Variants in PPP1R21 observed in about 807,000 individuals in gnomAD.
PPP1R21 encodes the protein protein phosphatase 1 regulatory subunit 21.
A neutral mutation model predicts 112.8 loss-of-function variants in PPP1R21; 85 were observed. The observed-to-expected ratio is 0.75, with a 90% confidence interval of 0.63 to 0.90. PPP1R21 has a LOEUF of 0.90. Among genes scored for constraint, PPP1R21 ranks in the 40% least tolerant of loss-of-function variants. The pLI is 0.00. For synonymous variants in PPP1R21, 381 were observed against 322.3 expected, an observed-to-expected ratio of 1.18 and a Z score of -1.95; for missense variants, 1,199 against 901.5, an observed-to-expected ratio of 1.33 and a Z score of -4.23.
At chr2:48,462,472 C>G (rs1200324635) in intron 7 of PPP1R21, among the ~76,000 whole-genome samples, 1 of 152,132 alleles carries the variant, frequency 6.6e-6, no homozygotes, top group Non-Finnish European at 1.5e-5. Context: ...AAAAAGGGTG[C>G]TTTGAGCTGG....
chr2:48,500,711 G>C (rs1036562062), intron 17 of PPP1R21, among the ~76,000 whole-genome samples: 1 of 152,112 alleles, frequency 6.6e-6, no homozygotes, highest in Admixed American at 6.5e-5. Flanking sequence ...AGGAGTTCGA[G>C]ACCTGGGCAA....
chr2:48,478,474 C>T (rs1358263118), intron 12 of PPP1R21, among the ~76,000 whole-genome samples: 1 of 152,220 alleles, frequency 6.6e-6, no homozygotes, highest in Non-Finnish European at 1.5e-5. Context: ...ACGATGGTGG[C>T]AGGGCTCTCC....
intron 9 of PPP1R21, among the ~76,000 whole-genome samples, chr2:48,469,704 T>C (rs1668421611): frequency 6.6e-6 from 1 of 151,700 alleles, no homozygotes; most frequent in Non-Finnish European, 1.5e-5. Flanking sequence ...ATATTAATCT[T>C]AATTTGTTTG....
At chr2:48,457,045 C>T (rs1009720187) in intron 3 of PPP1R21, among the ~76,000 whole-genome samples, 1 of 146,944 alleles carries the variant, frequency 6.8e-6, no homozygotes, top group Non-Finnish European at 1.5e-5. Flanking sequence ...GAGTGAGACT[C>T]CCTCTCAAAA....
chr2:48,461,985 A>G (rs980430210), intron 7 of PPP1R21, among the ~76,000 whole-genome samples: 5 of 152,234 alleles, frequency 3.3e-5, no homozygotes, highest in African/African-American at 1.2e-4. Context: ...AGCCCATGTC[A>G]TTATTGTATC....
chr2:48,458,083 A>G (rs1388805877), intron 3 of PPP1R21, 43 bp from the exon 4 acceptor site: 11 of 1,319,272 alleles, frequency 8.3e-6, no homozygotes, highest in African/African-American at 1.4e-5. Context: ...ATGTTTCTCT[A>G]AAGGATGAAA....
At chr2:48,460,753 A>T (rs1372571226) in intron 6 of PPP1R21, among the ~76,000 whole-genome samples, 2 of 152,212 alleles carry the variant, frequency 1.3e-5, no homozygotes, top group Non-Finnish European at 2.9e-5. Flanking sequence ...AGGCTAATAC[A>T]GTATGTACTT....
At chr2:48,496,786 C>T (rs1167695405) in intron 16 of PPP1R21, among the ~76,000 whole-genome samples, 2 of 152,162 alleles carry the variant, frequency 1.3e-5, no homozygotes, top group South Asian at 2.1e-4. Context: ...GGATTTAGGT[C>T]CAGTCACATT....
At chr2:48,507,192 CTTT>C (rs368842819) in intron 18 of PPP1R21, 74 bp from the exon 19 acceptor site, 1,173 of 1,135,148 alleles carry the variant, frequency 1.0e-3, no homozygotes, top group Middle Eastern at 2.2e-3. Flanking sequence ...AAAATGTTGT[CTTT>C]TTTTTTTTTT....
intron 2 of PPP1R21, among the ~76,000 whole-genome samples, chr2:48,452,671 G>A (rs1432435476): frequency 2.0e-5 from 3 of 151,814 alleles, no homozygotes; most frequent in Non-Finnish European, 4.4e-5. Flanking sequence ...GAGGCTTTTA[G>A]TTTTATTACT....
chr2:48,460,135 G>T lies in PPP1R21; in HGVS notation c.581G>T (p.Arg194Leu). 1.9e-6 allele frequency: 3 copies of T among 1,614,076 alleles called. No homozygotes were observed. Among genetic ancestry groups the T allele is most frequent in the South Asian group, 1.1e-5 (1 of 91,048 alleles). ...CTAGAAAAGGAAGCCAAGGAATGTC[G>T]ACTTCGAACGGAAGAATGGTATGTG... is the stretch of plus-strand genomic sequence containing the variant. Reference protein sequence around the residue: ...QTLEKEAKECRLRTEECQLQL... With the variant: ...QTLEKEAKECLLRTEECQLQL... Residue 194 changes from arginine (R) to leucine (L), a missense_variant, in exon 6 of 22, where the codon CGA becomes CTA. Coordinates refer to ENST00000294952, the MANE Select transcript of PPP1R21 (RefSeq NM_001135629.3).
chr2:48,505,607 C>T lies in PPP1R21; in HGVS notation c.1968+11C>T. 1 of 1,545,074 alleles carries T rather than the reference C, an allele frequency of 6.5e-7. No homozygotes were observed. On this transcript the variant is annotated intron_variant, in intron 18 of 21. Transcript: ENST00000294952. ...ACATCTGACAGTGAGGTAACATGTG[C>T]TTGTCATCATGTTGTTTGTTAGTAA...
At chr2:48,464,120 G>T (rs1046417876) in intron 7 of PPP1R21, among the ~76,000 whole-genome samples, 1 of 152,168 alleles carries the variant, frequency 6.6e-6, no homozygotes, top group Non-Finnish European at 1.5e-5. Context: ...ACCAGGCTGG[G>T]AAGCAAAACA....
chr2:48,469,556 G>GAGAGAGAGAGCATATATATATATATATAT (rs1668414284), intron 9 of PPP1R21, among the ~76,000 whole-genome samples: 3 of 108,966 alleles, frequency 2.8e-5, no homozygotes, highest in African/African-American at 9.9e-5. Flanking sequence ...TATATATAGA[G>GAGAGAGAGAGCATATATATATATATATAT]AGAGAGAGAG....
intron 12 of PPP1R21, chr2:48,479,397 A>G (rs565243810): frequency 4.5e-6 from 2 of 445,058 alleles, no homozygotes; most frequent in African/African-American, 2.0e-5. Flanking sequence ...GTTGTTACAG[A>G]TTTTCTTGAG....
At position 48,440,969 on chromosome 2, in the gene PPP1R21, T is replaced by A. The variant is rs746234086; in HGVS notation, c.16T>A (p.Leu6Met). The A allele has an allele frequency of 1.8e-5, 29 of 1,611,442 alleles. No individual in the cohort carries two copies. Among genetic ancestry groups the A allele is most frequent in the Non-Finnish European group, 2.3e-5 (27 of 1,178,640 alleles). ...GGGGGAGGCCATGGCCTCGGCTGAG[T>A]TGCAGGGGAAGTACCAGAAGCTGGC... Reference protein sequence around the residue: MASAELQGKYQKLAQE... With the variant: MASAEMQGKYQKLAQE... Residue 6 changes from leucine (L) to methionine (M), a missense_variant, in exon 1 of 22, where the codon TTG (leucine) becomes ATG (methionine). Physicochemically the swap from Leu to Met is conservative, Grantham distance 15 (BLOSUM62 2). Coordinates refer to ENST00000294952, the MANE Select transcript of PPP1R21 (RefSeq NM_001135629.3).
intron 11 of PPP1R21, among the ~76,000 whole-genome samples, chr2:48,472,333 A>C (rs757003407): frequency 1.3e-5 from 2 of 151,840 alleles, no homozygotes; most frequent in African/African-American, 2.4e-5. Context: ...AATTTAGAAA[A>C]TAAGTAGGTT....
Position 48,471,293 on chromosome 2 carries a change from A to G in PPP1R21, c.1014A>G (p.Lys338=), listed in dbSNP as rs372473591. 7 of 1,611,776 alleles carry G rather than the reference A, an allele frequency of 4.3e-6. No homozygotes were observed. The highest frequency in any genetic ancestry group is 1.3e-5 in the African/African-American group (1 of 74,798). The change falls in exon 11 of 22, where the codon AAA becomes AAG. Residue 338 remains lysine (K), a synonymous_variant. Transcript: ENST00000294952. ...TTCTTTTCCAGGAGACAACTGTGAA[A>G]TTGAAAACTTTTTCAGAACACTTAA... ...DTVTVLETTV[K]LKTFSEHLTS... is the part of the protein sequence containing the mutation.
chr2:48,506,944 CAA>C (rs11314362), intron 18 of PPP1R21, among the ~76,000 whole-genome samples: 2,421 of 96,480 alleles, frequency 0.025, 66 homozygotes, highest in African/African-American at 0.086. Context: ...GACTCTGCCT[CAA>C]AAAAAAAAAA....
Sources: allele counts gnomAD v4.1 joint callset (sites outside exome capture counted in the v4.1 genomes callset), GRCh38; gene constraint gnomAD v4.1.1; transcripts MANE v1.5; gene names NCBI Gene and HGNC (gene_info 2026-07-23, HGNC 2026-07-21).